The following STRIP1 variants were observed in gnomAD, a reference collection of about 807,000 sequenced individuals.
The protein encoded by STRIP1 is striatin interacting protein 1.
In STRIP1, 63 loss-of-function variants were observed where a neutral mutation model predicts 106.2. The ratio of observed to expected loss-of-function variants is 0.59; its 90% confidence interval spans 0.48 to 0.73. STRIP1 has a LOEUF of 0.73. Among genes scored for constraint, STRIP1 ranks in the 30% least tolerant of loss-of-function variants. The pLI is 0.00. For synonymous variants in STRIP1, 390 were observed against 413.0 expected (o/e 0.94, Z 0.67); for missense variants, 857 against 1,074.8 (o/e 0.80, Z 2.83).
chr1:110,043,259 C>G lies in STRIP1; in HGVS notation c.1057C>G (p.Arg353Gly). The change falls in exon 9 of 21, where the codon CGA (arginine) becomes GGA (glycine). Residue 353 changes from arginine (R) to glycine (G), a missense_variant. Physicochemically the swap from Arg to Gly is moderately radical, Grantham distance 125. This residue lies in a region of STRIP1 where 750 missense variants were observed against 989.8 expected (regional missense o/e 0.76). Transcript: ENST00000369795. Reference sequence around the variant, plus strand: ...TGAGCAGCAGCAGAAACGGGGCCGCCGAGAGCACAAGGTGAGGACGACAGA... The same window carrying G: ...TGAGCAGCAGCAGAAACGGGGCCGCGGAGAGCACAAGGTGAGGACGACAGA... ...LIEQQQKRGRREHKALIKQDN... is the reference protein window; with the variant it reads ...LIEQQQKRGRGEHKALIKQDN... The G allele has an allele frequency of 6.2e-7, 1 of 1,610,932 alleles. No homozygotes were observed. Among genetic ancestry groups the G allele is most frequent in the Non-Finnish European group, 8.5e-7 (1 of 1,180,002 alleles).
intron 12 of STRIP1, 96 bp downstream of exon 12, chr1:110,045,174 C>T: frequency 9.1e-7 from 1 of 1,098,462 alleles, no homozygotes; most frequent in South Asian, 1.3e-5. Context: ...TGTTGTCTGC[C>T]TGCAAGAACC....
In STRIP1 at chr1:110,039,910, G is replaced by A. The variant is rs758825456; in HGVS notation, c.581+395G>A. The A allele has an allele frequency of 4.6e-6, 6 of 1,293,562 alleles. No homozygotes were observed. The South Asian group carries it at 4.9e-5, about 11-fold the overall frequency. 80.1% of individuals were successfully genotyped at this position (1,293,562 alleles called of 1,614,324 possible). ...ATGGGCTCAACCAGTGCCTGGCCTT[G>A]CCTGTGTCACCTTTGTCCAGTGGAC... is the stretch of plus-strand genomic sequence containing the variant. On this transcript the variant is annotated intron_variant, in intron 5 of 20. Coordinates refer to ENST00000369795, the MANE Select transcript of STRIP1 (RefSeq NM_033088.4).
chr1:110,038,630 C>G (rs1652608997), intron 2 of STRIP1, 53 bp from the exon 3 acceptor site: 1 of 1,471,022 alleles, frequency 6.8e-7, no homozygotes, highest in South Asian at 1.1e-5. Flanking sequence ...CTTGTGAGAC[C>G]TGGTGTGCAA....
chr1:110,042,568 G>A (rs773687946), intron 8 of STRIP1, among the ~76,000 whole-genome samples: 1 of 152,232 alleles, frequency 6.6e-6, no homozygotes, highest in Non-Finnish European at 1.5e-5. Flanking sequence ...ATAAAGCCTT[G>A]CTAAGGCTAG....
chr1:110,046,580 A>T lies in STRIP1; in HGVS notation c.1417-100A>T, dbSNP rs373707362. The T allele has an allele frequency of 3.9e-5, 39 of 999,212 alleles. No homozygotes were observed. In the East Asian group the frequency reaches 8.8e-4, roughly 23 times the overall value. 61.9% of individuals were successfully genotyped at this position (999,212 alleles called of 1,614,324 possible). A position where few individuals can be genotyped will look rare whatever the true frequency, so the allele number is the denominator to read the frequency against. On this transcript the variant is annotated intron_variant, in intron 12 of 20. Transcript: ENST00000369795. ...TGGTGACTTAATCCTCTTTCAGAAG[A>T]CTGTGTTTGAAGACAAATGTGTGGG...
At chr1:110,039,575 G>A in intron 5 of STRIP1, 60 bp downstream of exon 5, 5 of 1,548,192 alleles carry the variant, frequency 3.2e-6, no homozygotes, top group Admixed American at 1.9e-5. Context: ...GGGGGACAGA[G>A]CTTGCAGAAC....
At chr1:110,040,142 G>A (rs1652685303) in intron 5 of STRIP1, among the ~76,000 whole-genome samples, 1 of 152,202 alleles carries the variant, frequency 6.6e-6, no homozygotes, top group South Asian at 2.1e-4. Context: ...GCAGTCCAGT[G>A]CATGGCTGGG....
chr1:110,044,935 T>A, intron 11 of STRIP1, 30 bp downstream of exon 11: 1 of 1,614,068 alleles, frequency 6.2e-7, no homozygotes, highest in Non-Finnish European at 8.5e-7. Flanking sequence ...ATTTTGCTGT[T>A]AGCTCTCCCG....
chr1:110,044,810 T>C, intron 10 of STRIP1, 30 bp from the exon 11 acceptor site: 1 of 1,611,790 alleles, frequency 6.2e-7, no homozygotes, highest in African/African-American at 1.3e-5. Context: ...AAAACCTTTT[T>C]TCTTTCTCTC....
At chr1:110,039,674 TTACACCTTGAAGATTA>T (rs1396088732) in intron 5 of STRIP1, 159 bp downstream of exon 5, 2 of 1,041,006 alleles carry the variant, frequency 1.9e-6, no homozygotes, top group African/African-American at 3.2e-5. Flanking sequence ...AGTTGGTCAC[TTACACCTTGAAGATTA>T]ATGGAGACTA....
intron 1 of STRIP1, among the ~76,000 whole-genome samples, chr1:110,036,412 C>T (rs146679346): frequency 0.012 from 1,878 of 152,246 alleles, 43 homozygotes; most frequent in African/African-American, 0.043. Context: ...CGAGATTGCA[C>T]CATTGCACTC....
chr1:110,041,359 T>C, intron 6 of STRIP1, 177 bp from the exon 7 acceptor site: 1 of 566,210 alleles, frequency 1.8e-6, no homozygotes, highest in Non-Finnish European at 3.2e-6. Flanking sequence ...CTGTGGTTTT[T>C]TTCTTTTCAG....
chr1:110,041,383 GT>G (rs1208643979), intron 6 of STRIP1, 152 bp from the exon 7 acceptor site: 1 of 607,038 alleles, frequency 1.6e-6, no homozygotes, highest in African/African-American at 1.9e-5. Flanking sequence ...GCTTAGGGTG[GT>G]AAATGCTTTT....
At chr1:110,040,338 C>T (rs1652697791) in intron 5 of STRIP1, among the ~76,000 whole-genome samples, 2 of 152,168 alleles carry the variant, frequency 1.3e-5, no homozygotes, top group South Asian at 2.1e-4. Flanking sequence ...CCTGCCACCA[C>T]ACCCAGCTAA....
In STRIP1 at chr1:110,044,885, T is replaced by C; in HGVS notation, c.1332T>C (p.Phe444=). Residue 444 remains phenylalanine, a synonymous_variant, in exon 11 of 21, where the codon TTT becomes TTC. Transcript: ENST00000369795. ...EMFLESSRSK[F]IGYTLGSDTN... is the part of the protein sequence containing the mutation. ...TCCTTGAGTCCAGCCGCAGCAAATT[T>C]ATAGGTTACACTCTAGGCAGGTGAG... is the stretch of plus-strand genomic sequence containing the variant. 1.2e-6 allele frequency: 2 copies of C among 1,614,222 alleles called. No individual in the cohort carries two copies. Among genetic ancestry groups the C allele is most frequent in the Non-Finnish European group, 1.7e-6 (2 of 1,180,040 alleles).
Position 110,039,324 on chromosome 1 carries a change from C to G in STRIP1, c.460+18C>G, listed in dbSNP as rs772091187. On this transcript the variant is annotated intron_variant, in intron 4 of 20. Transcript: ENST00000369795. ...TGCTCAAGGTATTGAGTGGACCTCC[C>G]CAGGGTTCCCTGGCACCTCTGCCCA... 2 of 1,614,006 alleles carry G rather than the reference C, an allele frequency of 1.2e-6. No homozygotes were observed. Among genetic ancestry groups the G allele is most frequent in the East Asian group, 2.2e-5 (1 of 44,870 alleles).
chr1:110,035,992 C>T (rs1353194923), intron 1 of STRIP1, among the ~76,000 whole-genome samples: 1 of 152,162 alleles, frequency 6.6e-6, no homozygotes, highest in Non-Finnish European at 1.5e-5. Context: ...TCAGTGTTAA[C>T]TACTCAGTTT....
chr1:110,043,243 G>A lies in STRIP1; in HGVS notation c.1041G>A (p.Gln347=), dbSNP rs2101773898. 1 of 1,612,814 alleles carries A rather than the reference G, an allele frequency of 6.2e-7. No homozygotes were observed. Among genetic ancestry groups the A allele is most frequent in the South Asian group, 1.1e-5 (1 of 91,082 alleles). Residue 347 remains glutamine, a synonymous_variant, in exon 9 of 21, where the codon CAG becomes CAA. Coordinates refer to ENST00000369795, the MANE Select transcript of STRIP1 (RefSeq NM_033088.4). ...PASASDLIEQ[Q]QKRGRREHKA... ...CTGCTTCAGACTTGATTGAGCAGCAGCAGAAACGGGGCCGCCGAGAGCACA... is the reference window on the plus strand; with the variant it reads ...CTGCTTCAGACTTGATTGAGCAGCAACAGAAACGGGGCCGCCGAGAGCACA...
chr1:110,052,100 A>T (rs1007886808), intron 20 of STRIP1, among the ~76,000 whole-genome samples: 1 of 151,950 alleles, frequency 6.6e-6, no homozygotes, highest in African/African-American at 2.4e-5. Flanking sequence ...GATCATCCCC[A>T]TCTCTCCTTG....
Sources: allele counts gnomAD v4.1 joint callset (sites outside exome capture counted in the v4.1 genomes callset), GRCh38; gene constraint gnomAD v4.1.1; regional missense constraint gnomAD v4.1.1; transcripts MANE v1.5; gene names NCBI Gene and HGNC (gene_info 2026-07-23, HGNC 2026-07-21).